Variants in TOGARAM1 observed in about 807,000 individuals in gnomAD.
TOGARAM1 encodes TOG array regulator of axonemal microtubules protein 1.
In TOGARAM1, 100 loss-of-function variants were observed where a neutral mutation model predicts 166.6. That is an observed-to-expected ratio of 0.60 (90% CI 0.51 to 0.71). The LOEUF is 0.71. TOGARAM1 is among the 30% of genes least tolerant of loss of function. The pLI is 0.00. For synonymous variants in TOGARAM1, 758 were observed against 763.8 expected (o/e 0.99, Z 0.13); for missense variants, 2,029 against 2,102.7 (o/e 0.96, Z 0.69).
intron 11 of TOGARAM1, among the ~76,000 whole-genome samples, chr14:45,040,109 A>G (rs1325515588): frequency 1.3e-5 from 2 of 152,260 alleles, no homozygotes; most frequent in Non-Finnish European, 2.9e-5. Flanking sequence ...AGATTTTATA[A>G]ATTTTGTTCT....
chr14:45,056,131 T>C (rs562309539), intron 16 of TOGARAM1, among the ~76,000 whole-genome samples: 116 of 152,228 alleles, frequency 7.6e-4, no homozygotes, highest in Non-Finnish European at 1.5e-3. Flanking sequence ...TATTTCTTTT[T>C]TAGTTATTAT....
intron 19 of TOGARAM1, among the ~76,000 whole-genome samples, chr14:45,072,796 G>A (rs1883440918): frequency 6.6e-6 from 1 of 151,790 alleles, no homozygotes; most frequent in South Asian, 2.1e-4. Flanking sequence ...GTAGAAAGAA[G>A]GAAAGCAAAA....
intron 7 of TOGARAM1, among the ~76,000 whole-genome samples, chr14:45,018,296 G>T (rs1880278701): frequency 6.6e-6 from 1 of 152,038 alleles, no homozygotes; most frequent in Non-Finnish European, 1.5e-5. Flanking sequence ...CTAGAGAGCA[G>T]TGGTGCAGTC....
chr14:45,039,559 G>C (rs1048784919), intron 11 of TOGARAM1, among the ~76,000 whole-genome samples: 1 of 152,116 alleles, frequency 6.6e-6, no homozygotes, highest in African/African-American at 2.4e-5. Flanking sequence ...ATGCTTGTTG[G>C]TGCCCAAAGT....
At position 45,073,818 on chromosome 14, in the gene TOGARAM1, G is replaced by A. The variant is rs1278045370; in HGVS notation, c.*257G>A. The A allele has an allele frequency of 1.2e-5, 4 of 330,526 alleles. No homozygotes were observed. The highest frequency in any genetic ancestry group is 2.2e-5 in the Non-Finnish European group (4 of 181,496). 20.5% of individuals were successfully genotyped at this position (330,526 alleles called of 1,614,324 possible). A position where few individuals can be genotyped will look rare whatever the true frequency, so the allele number is the denominator to read the frequency against. ...GGATGAATTCAATTTTAATATTTTT[G>A]AGAAAAGTCCTGCTCATTTGCACTA... On this transcript the variant is annotated 3_prime_UTR_variant, in exon 20 of 20. Coordinates refer to ENST00000361462, the MANE Select transcript of TOGARAM1 (RefSeq NM_001308120.2).
At position 45,044,733 on chromosome 14, in the gene TOGARAM1, C is replaced by T; in HGVS notation, c.4017C>T (p.Thr1339=). The change falls in exon 13 of 20, where the codon ACC becomes ACT. Residue 1339 remains threonine, a synonymous_variant. Coordinates refer to ENST00000361462, the MANE Select transcript of TOGARAM1 (RefSeq NM_001308120.2). Reference sequence around the variant, plus strand: ...AGAGCATGGATCAAGAGCTAGATACCACAGTAAAAGTTTTGTTGCACAAGG... The same window carrying T: ...AGAGCATGGATCAAGAGCTAGATACTACAGTAAAAGTTTTGTTGCACAAGG... ...LKKSMDQELD[T]TVKVLLHKAG... is the part of the protein sequence containing the mutation. 1 of 1,613,760 alleles carries T rather than the reference C, an allele frequency of 6.2e-7. No individual in the cohort carries two copies. The highest frequency in any genetic ancestry group is 8.5e-7 in the Non-Finnish European group (1 of 1,179,918).
chr14:44,963,742 G>C lies in TOGARAM1; in HGVS notation c.1321G>C (p.Val441Leu), dbSNP rs1358130752. The change falls in exon 1 of 20, where the codon GTC becomes CTC. Residue 441 changes from valine (V) to leucine (L), a missense_variant. Around this residue, in one of 2 missense-constraint regions of TOGARAM1, gnomAD observed 1,453 missense variants for 1,432.2 expected, o/e 1.01. Coordinates refer to ENST00000361462, the MANE Select transcript of TOGARAM1 (RefSeq NM_001308120.2). ...CTTGGGACCAGTTATAGCAGCTTCTGTCAAAGTGCTGGCGGACAACAAGTT... is the reference window on the plus strand; with the variant it reads ...CTTGGGACCAGTTATAGCAGCTTCTCTCAAAGTGCTGGCGGACAACAAGTT... ...QFLGPVIAAS[V>L]KVLADNKLVI... 6.2e-7 allele frequency: 1 copy of C among 1,613,962 alleles called. No homozygotes were observed. Among genetic ancestry groups the C allele is most frequent in the South Asian group, 1.1e-5 (1 of 91,058 alleles).
At chr14:45,044,402 A>T (rs550762420) in intron 12 of TOGARAM1, among the ~76,000 whole-genome samples, 30 of 149,236 alleles carry the variant, frequency 2.0e-4, no homozygotes, top group African/African-American at 7.0e-4. Context: ...TTAGCCAGGC[A>T]TGGTGGTGTG....
chr14:45,032,251 G>C lies in TOGARAM1; in HGVS notation c.3687G>C (p.Gln1229His), dbSNP rs141100163. ...AAACACCTACTGGAGCTATTTCACA[G>C]TATAAAGAAAGGATGCCTTCTGTCA... ...ESETPTGAISQYKERMPSVTH... is the reference protein window; with the variant it reads ...ESETPTGAISHYKERMPSVTH... Residue 1229 changes from glutamine to histidine, a missense_variant, in exon 11 of 20, where the codon CAG becomes CAC. Around this residue, in one of 2 missense-constraint regions of TOGARAM1, gnomAD observed 576 missense variants for 670.5 expected, o/e 0.86. Transcript: ENST00000361462. 414 of 1,613,792 alleles carry C rather than the reference G, an allele frequency of 2.6e-4. 1 individual carries two copies. The African/African-American group carries it at 4.9e-3, about 19-fold the overall frequency.
intron 1 of TOGARAM1, among the ~76,000 whole-genome samples, chr14:44,968,336 T>C (rs1448709164): frequency 2.0e-5 from 3 of 152,192 alleles, no homozygotes; most frequent in Non-Finnish European, 2.9e-5. Flanking sequence ...CTCGGCTCAC[T>C]GCAAGCTCCG....
chr14:45,037,125 C>CGCTA (rs1205664296), intron 11 of TOGARAM1, among the ~76,000 whole-genome samples: 1 of 152,204 alleles, frequency 6.6e-6, no homozygotes, highest in African/African-American at 2.4e-5. Flanking sequence ...AATTATCTTA[C>CGCTA]TAGCTGTCAG....
chr14:45,020,898 G>A (rs1880460968), intron 7 of TOGARAM1, among the ~76,000 whole-genome samples: 1 of 152,170 alleles, frequency 6.6e-6, no homozygotes, highest in Non-Finnish European at 1.5e-5. Flanking sequence ...TCAGGTACAG[G>A]GATTGAAATA....
Position 44,962,917 on chromosome 14 carries a change from CA to C in TOGARAM1, c.497del (p.Gln166ArgfsTer13). 2 of 1,614,112 alleles carry C rather than the reference CA, an allele frequency of 1.2e-6. No homozygotes were observed. The highest frequency in any genetic ancestry group is 1.7e-6 in the Non-Finnish European group (2 of 1,180,028). ...ACTTCTCTCGGACGTTCTCCGGGGT[CA>C]GGGGGAGGCAGGCCAGCTTGAAGAG... ...LQLLSDVLRG[Q>X]GEAGQLEEAF... On this transcript the variant is annotated frameshift_variant, in exon 1 of 20. Transcript: ENST00000361462. LOFTEE classifies it high-confidence loss of function.
chr14:44,978,136 A>G (rs1886317522), intron 1 of TOGARAM1: 1 of 152,226 alleles, frequency 6.6e-6, no homozygotes, highest in Non-Finnish European at 1.5e-5. Context: ...GTATGGGCAT[A>G]TGCTTTCTGG....
chr14:45,002,138 A>G (rs1887717286), intron 3 of TOGARAM1, among the ~76,000 whole-genome samples: 1 of 152,178 alleles, frequency 6.6e-6, no homozygotes, highest in South Asian at 2.1e-4. Flanking sequence ...CACTCACCCC[A>G]AAGACCCACA....
chr14:45,052,685 C>A, intron 15 of TOGARAM1, 123 bp downstream of exon 15: 1 of 847,578 alleles, frequency 1.2e-6, no homozygotes, highest in Non-Finnish European at 1.8e-6. Flanking sequence ...GACTATTGGA[C>A]TATATCTGCA....
chr14:45,025,444 A>G lies in TOGARAM1; in HGVS notation c.3239-339A>G, dbSNP rs184196287. ...CTGAGCATGGTGGTGCGTACCTGTA[A>G]TCCCAGCTACTCAGGAGGCTGAGGC... On this transcript the variant is annotated intron_variant, in intron 7 of 19. Coordinates refer to ENST00000361462, the MANE Select transcript of TOGARAM1 (RefSeq NM_001308120.2). 3.6e-3 allele frequency: 629 copies of G among 177,052 alleles called. 12 individuals carry two copies. Among genetic ancestry groups the G allele is most frequent in the South Asian group, 0.025 (200 of 8,020 alleles). The allele number at this position is 177,052 out of a possible 1,614,324, so 11.0% of individuals were successfully genotyped here. A position where few individuals can be genotyped will look rare whatever the true frequency, so the allele number is the denominator to read the frequency against.
At chr14:45,001,827 G>T (rs181960818) in intron 3 of TOGARAM1, among the ~76,000 whole-genome samples, 1 of 152,238 alleles carries the variant, frequency 6.6e-6, no homozygotes. Context: ...CTTCCTAAAA[G>T]CTACCCTTTC....
rs766800061 is a variant in TOGARAM1, at chr14:44,963,684, G to A, written c.1263G>A (p.Leu421=). The part of the protein sequence containing the change: ...VHGTLEVLHL[L]VIRLGEQVQQ... ...GCACACTTGAAGTCCTGCATTTACT[G>A]GTTATTCGCCTTGGAGAGCAGGTAC... is the stretch of plus-strand genomic sequence containing the variant. Residue 421 remains leucine (L), a synonymous_variant, in exon 1 of 20, where the codon CTG becomes CTA. Transcript: ENST00000361462. The A allele has an allele frequency of 1.9e-6, 3 of 1,613,662 alleles. No homozygotes were observed. Among genetic ancestry groups the A allele is most frequent in the Non-Finnish European group, 2.5e-6 (3 of 1,180,038 alleles).
Sources: gnomAD v4.1 joint callset for allele counts (sites outside exome capture counted in the v4.1 genomes callset) on GRCh38, gnomAD v4.1.1 for gene constraint, gnomAD v4.1.1 regional missense constraint, MANE v1.5 for transcripts, NCBI Gene and HGNC (gene_info 2026-07-23, HGNC 2026-07-21) for gene names.